Variants in FCER1G observed in about 807,000 individuals in gnomAD.
FCER1G encodes Fc epsilon receptor Ig.
In FCER1G, 7 loss-of-function variants were observed where a neutral mutation model predicts 17.3. The observed-to-expected ratio is 0.40, with a 90% confidence interval of 0.23 to 0.76. The LOEUF is 0.76. Ranked by LOEUF, FCER1G falls within the 30% of genes least tolerant of loss-of-function variation. FCER1G has a pLI of 0.35. For missense variants in FCER1G, 87 were observed against 97.7 expected (o/e 0.89, Z 0.46); for synonymous variants, 35 against 38.7 (o/e 0.90, Z 0.35).
In FCER1G at chr1:161,218,925, T is replaced by A. The variant is rs878909701; in HGVS notation, c.243T>A (p.His81Gln). The stretch of plus-strand genomic sequence containing the variant: ...AGGAGACTTACGAGACTCTGAAGCA[T>A]GAGAAACCACCACAGTAGCTTTAGA... ...RNQETYETLK[H>Q]EKPPQ The change falls in exon 5 of 5, where the codon CAT becomes CAA. Residue 81 changes from histidine to glutamine, a missense_variant. His to Gln is a conservative substitution (Grantham distance 24). Transcript: ENST00000289902. The A allele has an allele frequency of 1.2e-6, 2 of 1,612,614 alleles. No homozygotes were observed. Among genetic ancestry groups the A allele is most frequent in the South Asian group, 2.2e-5 (2 of 91,058 alleles).
chr1:161,217,840 G>T (rs746720273), intron 1 of FCER1G, 146 bp from the exon 2 acceptor site: 16 of 674,260 alleles, frequency 2.4e-5, no homozygotes, highest in Non-Finnish European at 3.7e-5. Flanking sequence ...AAGGGCAGTG[G>T]AAGGCCAGAG....
chr1:161,215,342 G>T lies in FCER1G; in HGVS notation c.21G>T (p.Leu7Phe). Residue 7 changes from leucine (L) to phenylalanine (F), a missense_variant, in exon 1 of 5, where the codon TTG becomes TTT. Leu to Phe is a conservative substitution (Grantham distance 22, BLOSUM62 0). Coordinates refer to ENST00000289902, the MANE Select transcript of FCER1G (RefSeq NM_004106.2). ...CCAAGATGATTCCAGCAGTGGTCTT[G>T]CTCTTACTCCTTTTGGTTGAACAAG... MIPAVV[L>F]LLLLLVEQAA... 1 of 1,613,820 alleles carries T rather than the reference G, an allele frequency of 6.2e-7. No individual in the cohort carries two copies.
At chr1:161,218,802 G>C (rs779763603) in intron 4 of FCER1G, 79 bp downstream of exon 4, 23 of 1,586,718 alleles carry the variant, frequency 1.4e-5, no homozygotes, top group Admixed American at 8.3e-5. Context: ...AGGCCGGTGG[G>C]GGGAGGGGGG....
chr1:161,215,936 A>G (rs545505008), intron 1 of FCER1G, among the ~76,000 whole-genome samples: 194 of 151,946 alleles, frequency 1.3e-3, no homozygotes, highest in African/African-American at 4.4e-3. Context: ...TGTTGGCCAC[A>G]TCGGTCTTGA....
Position 161,217,989 on chromosome 1 carries a change from C to G in FCER1G, c.53C>G (p.Ala18Gly), listed in dbSNP as rs1666083375. ...TGGGCATCCTCTATCCCCTCAGCGGCCCTGGGAGAGCCTCAGCTCTGCTAT... is the reference window on the plus strand; with the variant it reads ...TGGGCATCCTCTATCCCCTCAGCGGGCCTGGGAGAGCCTCAGCTCTGCTAT... ...LLLLLVEQAA[A>G]LGEPQLCYIL... Residue 18 changes from alanine to glycine, a missense_variant, in exon 2 of 5, where the codon GCC (alanine) becomes GGC (glycine). By Grantham distance (60) the Ala-to-Gly change is moderately conservative (BLOSUM62 0). Transcript: ENST00000289902. The G allele has an allele frequency of 1.2e-6, 2 of 1,612,168 alleles. No individual in the cohort carries two copies. Among genetic ancestry groups the G allele is most frequent in the Non-Finnish European group, 8.5e-7 (1 of 1,178,270 alleles).
intron 3 of FCER1G, 36 bp downstream of exon 3, chr1:161,218,312 T>C (rs1378732153): frequency 1.3e-6 from 2 of 1,580,680 alleles, no homozygotes; most frequent in African/African-American, 2.7e-5. Context: ...GGACAACTTT[T>C]CAGACCCTCA....
rs118038066 is a variant in FCER1G, at chr1:161,215,765, G to C, written c.49+395G>C. On this transcript the variant is annotated intron_variant, in intron 1 of 4. Coordinates refer to ENST00000289902, the MANE Select transcript of FCER1G (RefSeq NM_004106.2). The stretch of plus-strand genomic sequence containing the variant: ...CCGCCACCACGCCCGGCTAAGTTAA[G>C]TATTTTTGGTAGAAACCGGGTTTCG... Among the ~76,000 whole-genome samples the C allele has an allele frequency of 3.4e-3, 513 of 152,128 alleles. 4 individuals are homozygous for C. The highest frequency in any genetic ancestry group is 0.011 in the Admixed American group (174 of 15,262).
intron 1 of FCER1G, among the ~76,000 whole-genome samples, chr1:161,216,411 C>CACACACACACACACACACATAT (rs1491150470): frequency 7.7e-6 from 1 of 129,750 alleles, no homozygotes; most frequent in Non-Finnish European, 1.6e-5. Context: ...CACACACACA[C>CACACACACACACACACACATAT]ATATATATAT....
chr1:161,215,442 A>G (rs1235152410), intron 1 of FCER1G, 72 bp downstream of exon 1: 18 of 1,351,248 alleles, frequency 1.3e-5, no homozygotes, highest in Admixed American at 3.4e-5. Context: ...TCTGAGGGCC[A>G]AGTCAAACAC....
chr1:161,217,988 G>C lies in FCER1G; in HGVS notation c.52G>C (p.Ala18Pro). Residue 18 changes from alanine to proline, a missense_variant and splice_region_variant, in exon 2 of 5, where the codon GCC (alanine) becomes CCC (proline). By Grantham distance (27) the Ala-to-Pro change is conservative. Coordinates refer to ENST00000289902, the MANE Select transcript of FCER1G (RefSeq NM_004106.2). ...LLLLLVEQAA[A>P]LGEPQLCYIL... ...ATGGGCATCCTCTATCCCCTCAGCG[G>C]CCCTGGGAGAGCCTCAGCTCTGCTA... 1.9e-6 allele frequency: 3 copies of C among 1,611,790 alleles called. No individual in the cohort carries two copies. The highest frequency in any genetic ancestry group is 2.5e-6 in the Non-Finnish European group (3 of 1,177,986).
In FCER1G at chr1:161,219,105, A is replaced by G. The variant is rs1045174249; in HGVS notation, c.*162A>G. The stretch of plus-strand genomic sequence containing the variant: ...ACACCAGTGGTTCCTCCTCCCTGTT[A>G]AAGACTAATGCTCAGATGCTGTTTA... On this transcript the variant is annotated 3_prime_UTR_variant, in exon 5 of 5. Coordinates refer to ENST00000289902, the MANE Select transcript of FCER1G (RefSeq NM_004106.2). The G allele has an allele frequency of 1.6e-6, 1 of 624,624 alleles. No individual in the cohort carries two copies. The highest frequency in any genetic ancestry group is 2.9e-6 in the Non-Finnish European group (1 of 344,270). 38.7% of individuals were successfully genotyped at this position (624,624 alleles called of 1,614,324 possible).
In FCER1G at chr1:161,215,347, TA is replaced by T. The variant is rs1359288366; in HGVS notation, c.27del (p.Leu9PhefsTer38). 6.2e-7 allele frequency: 1 copy of T among 1,613,686 alleles called. No homozygotes were observed. Among genetic ancestry groups the T allele is most frequent in the Non-Finnish European group, 8.5e-7 (1 of 1,179,746 alleles). MIPAVVLLLLLLVEQAAAL... is the reference protein window; with the variant it reads MIPAVVLLXLLLVEQAAAL... ...ATGATTCCAGCAGTGGTCTTGCTCTTACTCCTTTTGGTTGAACAAGCAGGTA... is the reference window on the plus strand; with the variant it reads ...ATGATTCCAGCAGTGGTCTTGCTCTTCTCCTTTTGGTTGAACAAGCAGGTA... On this transcript the variant is annotated frameshift_variant, in exon 1 of 5. Transcript: ENST00000289902. LOFTEE classifies it high-confidence loss of function.
intron 3 of FCER1G, among the ~76,000 whole-genome samples, 164 bp from the exon 4 acceptor site, chr1:161,218,539 C>A (rs1666096228): frequency 6.6e-6 from 1 of 152,114 alleles, no homozygotes; most frequent in African/African-American, 2.4e-5. Flanking sequence ...GTGCTTGTAG[C>A]CATGTGGGCA....
At chr1:161,216,259 C>T (rs1326980617) in intron 1 of FCER1G, among the ~76,000 whole-genome samples, 1 of 151,270 alleles carries the variant, frequency 6.6e-6, no homozygotes, top group African/African-American at 2.4e-5. Context: ...TTGCAGTGAG[C>T]CAAGATCGCA....
intron 4 of FCER1G, 55 bp from the exon 5 acceptor site, chr1:161,218,826 G>A (rs1247679887): frequency 1.3e-6 from 2 of 1,580,472 alleles, no homozygotes; most frequent in Admixed American, 1.7e-5. Flanking sequence ...TGTGGAGGTG[G>A]GAGGGGCCTC....
intron 1 of FCER1G, 141 bp downstream of exon 1, chr1:161,215,511 C>T (rs1198293920): frequency 3.9e-6 from 3 of 761,010 alleles, no homozygotes; most frequent in Non-Finnish European, 7.2e-6. Flanking sequence ...GGCTAGTCCT[C>T]TCCAGCCCCG....
At chr1:161,217,829 TA>T (rs1282402296) in intron 1 of FCER1G, among the ~76,000 whole-genome samples, 156 bp from the exon 2 acceptor site, 18 of 152,076 alleles carry the variant, frequency 1.2e-4, no homozygotes, top group Admixed American at 7.2e-4. Flanking sequence ...GAGGGAAAGG[TA>T]AGGGCAGTGG....
At position 161,215,373 on chromosome 1, in the gene FCER1G, A is replaced by G. The variant is rs779878878; in HGVS notation, c.49+3A>G. 3 of 1,612,944 alleles carry G rather than the reference A, an allele frequency of 1.9e-6. No homozygotes were observed. The South Asian group carries it at 3.3e-5, about 18-fold the overall frequency. On this transcript the variant is annotated splice_donor_region_variant and intron_variant, in intron 1 of 4. Transcript: ENST00000289902. ...ACTCCTTTTGGTTGAACAAGCAGGTAAGAGGGTTTGGTGAGGGATAGCGTG... is the reference window on the plus strand; with the variant it reads ...ACTCCTTTTGGTTGAACAAGCAGGTGAGAGGGTTTGGTGAGGGATAGCGTG...
In FCER1G at chr1:161,217,350, A is replaced by G. The variant is rs1308007822; in HGVS notation, c.50-636A>G. 2.0e-5 allele frequency among the ~76,000 whole-genome samples: 3 copies of G among 151,900 alleles called. No homozygotes were observed. The East Asian group carries it at 5.8e-4, about 29-fold the overall frequency. ...TTCCCCCAGCCTTGTGTTCAGGGCC[A>G]AAGGTATCTGTAAGGTCTGGGAAAA... On this transcript the variant is annotated intron_variant, in intron 1 of 4. Transcript: ENST00000289902.
Sources: gnomAD v4.1 joint callset for allele counts (sites outside exome capture counted in the v4.1 genomes callset) on GRCh38, gnomAD v4.1.1 for gene constraint, MANE v1.5 for transcripts, NCBI Gene and HGNC (gene_info 2026-07-23, HGNC 2026-07-21) for gene names.